The following RBFOX1 variants were observed in gnomAD, a reference collection of about 807,000 sequenced individuals.
The protein encoded by RBFOX1 is RNA binding protein fox-1 homolog 1.
A neutral mutation model predicts 57.7 loss-of-function variants in RBFOX1; 8 were observed. The ratio of observed to expected loss-of-function variants is 0.14; its 90% CI spans 0.08 to 0.25. The LOEUF is 0.25. Among genes scored for constraint, RBFOX1 ranks in the 10% least tolerant of loss-of-function variants. The pLI is 1.00. For synonymous variants in RBFOX1, 326 were observed against 222.4 expected, an observed-to-expected ratio of 1.47 and a Z score of -4.15; for missense variants, 611 against 548.5, an observed-to-expected ratio of 1.11 and a Z score of -1.14.
At chr16:6,297,091 A>T (rs2078205057) in intron 1 of RBFOX1, among the ~76,000 whole-genome samples, 1 of 152,110 alleles carries the variant, frequency 6.6e-6, no homozygotes, top group African/African-American at 2.4e-5. Context: ...GGCATTTATA[A>T]ACTGTCATGG....
chr16:7,521,705 A>G (rs890203701), intron 5 of RBFOX1, among the ~76,000 whole-genome samples: 2 of 152,262 alleles, frequency 1.3e-5, no homozygotes, highest in African/African-American at 2.4e-5. Flanking sequence ...GGTTTTATCT[A>G]TCATAATGAC....
At chr16:6,953,146 T>C (rs140213371) in intron 3 of RBFOX1, among the ~76,000 whole-genome samples, 1 of 152,262 alleles carries the variant, frequency 6.6e-6, no homozygotes, top group East Asian at 1.9e-4. Context: ...GTATGCCTCT[T>C]TCCACTGAAG....
chr16:7,664,135 TAC>T (rs2068544443), intron 12 of RBFOX1, among the ~76,000 whole-genome samples: 1 of 152,188 alleles, frequency 6.6e-6, no homozygotes. Context: ...TACATATAAG[TAC>T]ACAAATACAT....
At chr16:6,526,955 C>G (rs1404501769) in intron 2 of RBFOX1, among the ~76,000 whole-genome samples, 3 of 151,382 alleles carry the variant, frequency 2.0e-5, no homozygotes, top group Admixed American at 6.6e-5. Flanking sequence ...ATAAATCACC[C>G]AAGATCACAT....
chr16:6,586,337 C>A (rs1477739601), intron 2 of RBFOX1, among the ~76,000 whole-genome samples: 1 of 152,166 alleles, frequency 6.6e-6, no homozygotes, highest in African/African-American at 2.4e-5. Context: ...TCCTAAGATA[C>A]CTACAAAATG....
chr16:5,677,276 C>T (rs769301131), intron 3 of RBFOX1, among the ~76,000 whole-genome samples: 1 of 152,216 alleles, frequency 6.6e-6, no homozygotes, highest in Non-Finnish European at 1.5e-5. Flanking sequence ...AGAATATGTC[C>T]TCCTATGAGA....
At chr16:6,659,347 T>TTATGCATCAAAG (rs745370533) in intron 3 of RBFOX1, among the ~76,000 whole-genome samples, 368 of 152,210 alleles carry the variant, frequency 2.4e-3, no homozygotes, top group Non-Finnish European at 4.1e-3. Flanking sequence ...TTGAGTGGTT[T>TTATGCATCAAAG]TCCAAGTTAT....
chr16:6,825,591 TCTTC>T (rs2092016760), intron 3 of RBFOX1, among the ~76,000 whole-genome samples: 1 of 152,294 alleles, frequency 6.6e-6, no homozygotes, highest in African/African-American at 2.4e-5. Flanking sequence ...TTCCATTTTC[TCTTC>T]CTTTTAGAAA....
intron 4 of RBFOX1, among the ~76,000 whole-genome samples, chr16:7,224,375 A>C (rs2092956154): frequency 6.6e-6 from 1 of 152,200 alleles, no homozygotes; most frequent in South Asian, 2.1e-4. Context: ...TTGACATTTG[A>C]ATTCTGCCCA....
chr16:7,654,960 G>T (rs189517163), intron 12 of RBFOX1, among the ~76,000 whole-genome samples: 1 of 152,168 alleles, frequency 6.6e-6, no homozygotes, highest in Non-Finnish European at 1.5e-5. Context: ...TAAATTCAGC[G>T]ATCCCCAGAA....
intron 4 of RBFOX1, among the ~76,000 whole-genome samples, chr16:7,209,496 T>G (rs1187833955): frequency 6.6e-6 from 1 of 152,196 alleles, no homozygotes; most frequent in African/African-American, 2.4e-5. Flanking sequence ...TGCAGTTGGC[T>G]CCTGCCAGCT....
chr16:7,380,892 G>T (rs994766866), intron 4 of RBFOX1, among the ~76,000 whole-genome samples: 1 of 152,156 alleles, frequency 6.6e-6, no homozygotes, highest in Admixed American at 6.6e-5. Context: ...AAGAATCGCA[G>T]GCTTTTTAAA....
rs1222588642 is a variant in RBFOX1, at chr16:7,160,826, TC to T, written c.27+108731del. Among the ~76,000 whole-genome samples, 517 of 139,390 alleles carry T rather than the reference TC, an allele frequency of 3.7e-3. 4 individuals are homozygous for T. Among genetic ancestry groups the T allele is most frequent in the South Asian group, 0.027 (108 of 3,988 alleles). 91.4% of individuals were successfully genotyped at this position (139,390 alleles called of 152,430 possible). On this transcript the variant is annotated intron_variant, in intron 4 of 15. Coordinates refer to ENST00000550418, the MANE Select transcript of RBFOX1 (RefSeq NM_018723.4). ...CCCCTTTCTTCTCCCTCCTCCCTCC[TC>T]CCTCCTCCTTCCTCCTCCTCCTCCT...
At chr16:6,727,067 A>ACACACACACACACACT (rs1365531419) in intron 3 of RBFOX1, among the ~76,000 whole-genome samples, 2 of 136,936 alleles carry the variant, frequency 1.5e-5, no homozygotes, top group Non-Finnish European at 3.1e-5. Context: ...ACACACACAG[A>ACACACACACACACACT]CACAGAGAGA....
intron 2 of RBFOX1, among the ~76,000 whole-genome samples, chr16:6,619,575 T>G (rs1289332847): frequency 1.3e-5 from 2 of 152,044 alleles, no homozygotes; most frequent in Non-Finnish European, 2.9e-5. Flanking sequence ...ACTTATTCAT[T>G]CTCATGAAAC....
At chr16:7,106,096 C>T (rs1345764078) in intron 4 of RBFOX1, among the ~76,000 whole-genome samples, 1 of 152,156 alleles carries the variant, frequency 6.6e-6, no homozygotes, top group African/African-American at 2.4e-5. Flanking sequence ...GTCTTGAATT[C>T]CTCCTTGTCC....
chr16:6,931,483 A>G (rs769839810), intron 3 of RBFOX1, among the ~76,000 whole-genome samples: 2 of 152,120 alleles, frequency 1.3e-5, no homozygotes, highest in African/African-American at 4.8e-5. Context: ...CCAGAAGTAG[A>G]ACCTACTACA....
At chr16:6,428,606 T>G (rs751310646) in intron 2 of RBFOX1, among the ~76,000 whole-genome samples, 1 of 152,184 alleles carries the variant, frequency 6.6e-6, no homozygotes, top group Non-Finnish European at 1.5e-5. Flanking sequence ...GTATGTAAAG[T>G]ACTTAACACA....
intron 1 of RBFOX1, among the ~76,000 whole-genome samples, chr16:6,251,107 C>T (rs13333372): frequency 0.013 from 1,984 of 152,228 alleles, 41 homozygotes; most frequent in African/African-American, 0.045. Flanking sequence ...CCATTGTGTT[C>T]AGCTCTTAAT....
Sources: allele counts gnomAD v4.1 joint callset (sites outside exome capture counted in the v4.1 genomes callset), GRCh38; gene constraint gnomAD v4.1.1; transcripts MANE v1.5; gene names NCBI Gene and HGNC (gene_info 2026-07-23, HGNC 2026-07-21).